Variants in SIPA1L3 observed in about 807,000 individuals in gnomAD.
SIPA1L3 encodes signal induced proliferation associated 1 like 3, also known as signal-induced proliferation-associated 1-like protein 3.
Under a neutral mutation model 150.1 loss-of-function variants are expected in SIPA1L3, and 59 were observed. That is an observed-to-expected ratio of 0.39 (90% confidence interval 0.32 to 0.49). SIPA1L3 has a LOEUF of 0.49. Ranked by LOEUF, SIPA1L3 falls within the 20% of genes least tolerant of loss-of-function variation. SIPA1L3 has a pLI of 0.86. For missense variants in SIPA1L3, 2,211 were observed against 2,489.5 expected (o/e 0.89, Z 2.38); for synonymous variants, 1,070 against 1,077.6 (o/e 0.99, Z 0.14).
At chr19:38,048,651 G>GTCCCC (rs1969114528) in intron 2 of SIPA1L3, among the ~76,000 whole-genome samples, 1 of 152,198 alleles carries the variant, frequency 6.6e-6, no homozygotes, top group African/African-American at 2.4e-5. Flanking sequence ...CCCTGACCAA[G>GTCCCC]TCCCCTCCCT....
At chr19:38,063,667 G>C (rs896936582) in intron 2 of SIPA1L3, among the ~76,000 whole-genome samples, 1 of 152,122 alleles carries the variant, frequency 6.6e-6, no homozygotes, top group Non-Finnish European at 1.5e-5. Context: ...AGGAGGGCGC[G>C]TACTAAGTAT....
chr19:38,164,895 G>T lies in SIPA1L3; in HGVS notation c.4197G>T (p.Pro1399=). 6.5e-7 allele frequency: 1 copy of T among 1,541,400 alleles called. No homozygotes were observed. Residue 1399 remains proline, a synonymous_variant, in exon 15 of 22, where the codon CCG becomes CCT. Coordinates refer to ENST00000222345, the MANE Select transcript of SIPA1L3 (RefSeq NM_015073.3). The surrounding 1 kb of genome is among the most constrained non-coding windows in gnomAD (Gnocchi z 4.1). ...TGLAGGSRDP[P]RQPSDMGSRV... ...TGGCGGGGGGCAGCCGAGACCCACC[G>T]AGGCAGCCCAGGTAAGCTGTTGCAC...
intron 18 of SIPA1L3, among the ~76,000 whole-genome samples, chr19:38,195,280 G>A (rs1258901167): frequency 6.6e-6 from 1 of 152,172 alleles, no homozygotes; most frequent in African/African-American, 2.4e-5. Context: ...CTTCAGGGCT[G>A]GCTCCATTCC....
intron 1 of SIPA1L3, among the ~76,000 whole-genome samples, chr19:37,955,391 C>CA (rs35650003): frequency 0.34 from 41,404 of 120,268 alleles, 7,279 homozygotes; most frequent in East Asian, 0.63. Context: ...AACTCTGTCT[C>CA]AAAAAAAAAA....
At chr19:38,177,522 A>T (rs1382789660) in intron 15 of SIPA1L3, among the ~76,000 whole-genome samples, 1 of 152,156 alleles carries the variant, frequency 6.6e-6, no homozygotes, top group Non-Finnish European at 1.5e-5. Flanking sequence ...AAAAGGGGGA[A>T]AAAAGGACAA....
At chr19:37,919,136 G>A (rs552890075) in intron 1 of SIPA1L3, among the ~76,000 whole-genome samples, 14 of 152,206 alleles carry the variant, frequency 9.2e-5, no homozygotes, top group Admixed American at 2.6e-4. Flanking sequence ...GAGAGTCGTG[G>A]TTCTAGACTT....
chr19:38,106,694 A>G, intron 7 of SIPA1L3, 54 bp downstream of exon 7: 2 of 1,204,244 alleles, frequency 1.7e-6, no homozygotes, highest in Non-Finnish European at 1.2e-6. Context: ...CCCACCCACC[A>G]GCATTGGCCC....
At chr19:37,956,190 T>C (rs1003923585) in intron 1 of SIPA1L3, among the ~76,000 whole-genome samples, 9 of 152,228 alleles carry the variant, frequency 5.9e-5, no homozygotes, top group Non-Finnish European at 1.2e-4. Flanking sequence ...CCAACGCTTA[T>C]TGTTACAGCC....
chr19:38,039,105 A>T (rs1968853747), intron 2 of SIPA1L3, among the ~76,000 whole-genome samples: 1 of 151,658 alleles, frequency 6.6e-6, no homozygotes, highest in Non-Finnish European at 1.5e-5. Context: ...GTGGTCTCGA[A>T]CTCCTGAGCT....
rs536725846 is a variant in SIPA1L3, at chr19:37,937,831, G to A, written c.-379+30473G>A. On this transcript the variant is annotated intron_variant, in intron 1 of 21. Coordinates refer to ENST00000222345, the MANE Select transcript of SIPA1L3 (RefSeq NM_015073.3). ...GGAGGCTGAGGTGGGCAGATCATGA[G>A]CTTAAGAGATTGAGACCATCCTGGC... Among the ~76,000 whole-genome samples, 3 of 150,622 alleles carry A rather than the reference G, an allele frequency of 2.0e-5. No homozygotes were observed. In the South Asian group the frequency reaches 6.3e-4, roughly 32 times the overall value.
At position 37,976,966 on chromosome 19, in the gene SIPA1L3, C is replaced by T. The variant is rs531483298; in HGVS notation, c.-378-52123C>T. On this transcript the variant is annotated intron_variant, in intron 1 of 21. Coordinates refer to ENST00000222345, the MANE Select transcript of SIPA1L3 (RefSeq NM_015073.3). ...CCTCCCATCTCAGCCGCCTGAGTAGCTGGGACTATAGGCATGTGCCACCAT... is the reference window on the plus strand; with the variant it reads ...CCTCCCATCTCAGCCGCCTGAGTAGTTGGGACTATAGGCATGTGCCACCAT... 2.3e-3 allele frequency among the ~76,000 whole-genome samples: 348 copies of T among 152,194 alleles called. 1 individual carries two copies. The highest frequency in any genetic ancestry group is 8.0e-3 in the African/African-American group (332 of 41,532).
At chr19:38,065,641 C>T (rs541299288) in intron 2 of SIPA1L3, among the ~76,000 whole-genome samples, 4 of 151,828 alleles carry the variant, frequency 2.6e-5, no homozygotes, top group East Asian at 3.9e-4. Flanking sequence ...AGGCTGGTCT[C>T]GAACTCCCGA....
At chr19:37,959,547 C>T (rs2145570095) in intron 1 of SIPA1L3, among the ~76,000 whole-genome samples, 1 of 152,224 alleles carries the variant, frequency 6.6e-6, no homozygotes, top group African/African-American at 2.4e-5. Context: ...AAAGTGATTG[C>T]TAGGAGTACA....
At position 38,198,390 on chromosome 19, in the gene SIPA1L3, C is replaced by T; in HGVS notation, c.4842C>T (p.Ser1614=). 5 of 1,549,674 alleles carry T rather than the reference C, an allele frequency of 3.2e-6. No individual in the cohort carries two copies. Among genetic ancestry groups the T allele is most frequent in the Non-Finnish European group, 4.3e-6 (5 of 1,150,126 alleles). ...AAGSGFPEKK[S]TISASELSLA... ...GCCATCTCCACCCTCCCCATCCAGC[C>T]ACCATCTCAGCCTCGGAGCTCTCGC... is the stretch of plus-strand genomic sequence containing the variant. Residue 1614 remains serine (S), a splice_region_variant and synonymous_variant, in exon 19 of 22, where the codon TCC becomes TCT. Transcript: ENST00000222345.
intron 1 of SIPA1L3, among the ~76,000 whole-genome samples, chr19:38,006,363 G>T (rs1306118995): frequency 6.6e-6 from 1 of 152,182 alleles, no homozygotes; most frequent in Admixed American, 6.5e-5. Context: ...TGCAGGCTTT[G>T]CAGGGTGTGG....
intron 14 of SIPA1L3, among the ~76,000 whole-genome samples, chr19:38,163,594 G>A (rs113887819): frequency 4.2e-4 from 64 of 152,118 alleles, no homozygotes; most frequent in African/African-American, 1.4e-3. Context: ...ACCTTTGAGC[G>A]GAAACCTTGA....
At chr19:37,952,439 G>A (rs2145556035) in intron 1 of SIPA1L3, among the ~76,000 whole-genome samples, 1 of 152,206 alleles carries the variant, frequency 6.6e-6, no homozygotes, top group Admixed American at 6.6e-5. Flanking sequence ...TTGGGATGCC[G>A]AGGTGGGTAG....
At position 38,164,397 on chromosome 19, in the gene SIPA1L3, C is replaced by T. The variant is rs1346141243; in HGVS notation, c.3781-82C>T. The T allele has an allele frequency of 9.6e-6, 13 of 1,361,020 alleles. No homozygotes were observed. Among genetic ancestry groups the T allele is most frequent in the Non-Finnish European group, 1.2e-5 (12 of 978,782 alleles). 84.3% of individuals were successfully genotyped at this position (1,361,020 alleles called of 1,614,324 possible). On this transcript the variant is annotated intron_variant, in intron 14 of 21. Coordinates refer to ENST00000222345, the MANE Select transcript of SIPA1L3 (RefSeq NM_015073.3). This position sits in a 1 kb window ranked among gnomAD's most constrained non-coding sequence, Gnocchi z 4.1. The stretch of plus-strand genomic sequence containing the variant: ...AAGCTGTCTGGTCCCAGGGTTCAGG[C>T]CCAGGCAGAGGGAGGACCCGGCAAG...
rs570546907 is a variant in SIPA1L3, at chr19:38,081,633, G to A, written c.68G>A (p.Gly23Asp). The part of the protein sequence containing the change: ...DLAASCGARV[G>D]DVLPGPHTGD... The stretch of plus-strand genomic sequence containing the variant: ...GCAGCCAGCTGTGGCGCCAGGGTGG[G>A]CGATGTCCTCCCTGGGCCACACACA... The change falls in exon 3 of 22, where the codon GGC becomes GAC. Residue 23 changes from glycine to aspartate, a missense_variant. Transcript: ENST00000222345. 6.2e-7 allele frequency: 1 copy of A among 1,606,918 alleles called. No individual in the cohort carries two copies. The highest frequency in any genetic ancestry group is 8.5e-7 in the Non-Finnish European group (1 of 1,175,356).
Sources: allele counts gnomAD v4.1 joint callset (sites outside exome capture counted in the v4.1 genomes callset), GRCh38; gene constraint gnomAD v4.1.1; non-coding constraint Gnocchi (gnomAD v3.1); transcripts MANE v1.5; gene names NCBI Gene and HGNC (gene_info 2026-07-23, HGNC 2026-07-21).